Variants in TLN2 observed in about 807,000 individuals in gnomAD.
TLN2 encodes the protein talin 2, also known as talin-2.
Under a neutral mutation model 294.7 loss-of-function variants are expected in TLN2, and 118 were observed. That is an observed-to-expected ratio of 0.40 (90% CI 0.34 to 0.47). The LOEUF (loss-of-function observed/expected upper bound fraction) is 0.47, where lower values mean the gene tolerates loss of function less well. Ranked by LOEUF, TLN2 falls within the 20% of genes least tolerant of loss-of-function variation. The probability of loss-of-function intolerance (pLI) is 0.84; values close to 1 mark genes in which losing one functional copy is unlikely to be tolerated. For synonymous variants in TLN2, 1,431 were observed against 1,304.5 expected (o/e 1.10, Z -2.09); for missense variants, 3,083 against 3,282.2 (o/e 0.94, Z 1.48).
intron 1 of TLN2, among the ~76,000 whole-genome samples, chr15:62,408,210 G>T (rs528766107): frequency 6.6e-6 from 1 of 152,128 alleles, no homozygotes; most frequent in Admixed American, 6.6e-5. Context: ...CCTTAGATAA[G>T]TCACTGTGTG....
intron 1 of TLN2, among the ~76,000 whole-genome samples, chr15:62,460,342 C>T (rs1034180081): frequency 3.3e-5 from 5 of 151,648 alleles, no homozygotes; most frequent in South Asian, 4.2e-4. Flanking sequence ...CTCAGCTCAC[C>T]GCAACCTCCG....
chr15:62,690,907 G>A (rs962828122), intron 12 of TLN2, among the ~76,000 whole-genome samples: 3 of 151,370 alleles, frequency 2.0e-5, no homozygotes, highest in Admixed American at 6.6e-5. Flanking sequence ...GCAGGCACTC[G>A]GCAGGCTGAG....
At chr15:62,781,361 C>T (rs2064151181) in intron 44 of TLN2, 120 bp downstream of exon 44, 4 of 685,756 alleles carry the variant, frequency 5.8e-6, no homozygotes, top group Middle Eastern at 4.0e-4. Flanking sequence ...TCTAGTCCCT[C>T]AGGGGCTCCA....
chr15:62,661,850 A>G (rs139658270), intron 9 of TLN2, among the ~76,000 whole-genome samples: 2,366 of 152,290 alleles, frequency 0.016, 27 homozygotes, highest in Non-Finnish European at 0.019. Flanking sequence ...CTGTAAGGCA[A>G]ACAAAGCGTA....
intron 53 of TLN2, 81 bp downstream of exon 53, chr15:62,819,702 C>CA: frequency 7.7e-7 from 1 of 1,297,144 alleles, no homozygotes; most frequent in Non-Finnish European, 1.1e-6. Context: ...AGGAAAAGCA[C>CA]AGACGGCAAT....
intron 9 of TLN2, among the ~76,000 whole-genome samples, chr15:62,660,308 A>G (rs1453158231): frequency 2.6e-5 from 4 of 152,178 alleles, no homozygotes; most frequent in Non-Finnish European, 5.9e-5. Context: ...GAAGGTACTC[A>G]TTTAGAATAA....
intron 1 of TLN2, among the ~76,000 whole-genome samples, chr15:62,450,968 TTCTC>T (rs578208003): frequency 8.5e-4 from 127 of 149,892 alleles, no homozygotes; most frequent in African/African-American, 3.2e-3. Context: ...TTGCCTGGAG[TTCTC>T]TCTCTTTTTT....
intron 52 of TLN2, among the ~76,000 whole-genome samples, chr15:62,812,014 T>TC (rs2066723578): frequency 1.5e-5 from 2 of 137,146 alleles, no homozygotes; most frequent in African/African-American, 6.1e-5. Flanking sequence ...TCCATCTCAA[T>TC]AAATAAATAA....
intron 54 of TLN2, chr15:62,828,126 C>T (rs1177338414): frequency 6.6e-6 from 1 of 152,298 alleles, no homozygotes; most frequent in African/African-American, 2.4e-5. Context: ...GGAGCCAACC[C>T]AATATATAGC....
Position 62,833,726 on chromosome 15 carries a change from A to G in TLN2, c.7128+97A>G, listed in dbSNP as rs538728700. 11 of 1,501,638 alleles carry G rather than the reference A, an allele frequency of 7.3e-6. No homozygotes were observed. In the East Asian group the frequency reaches 1.9e-4, roughly 25 times the overall value. The allele number at this position is 1,501,638 out of a possible 1,614,324, so 93.0% of individuals were successfully genotyped here. A position where few individuals can be genotyped will look rare whatever the true frequency, so the allele number is the denominator to read the frequency against. On this transcript the variant is annotated intron_variant, in intron 55 of 58. Transcript: ENST00000636159. The stretch of plus-strand genomic sequence containing the variant: ...ACAAGCTTTTGTCCTGACCAAGGAA[A>G]CACATGCAGTGCCTTCCCTCCCTGA...
chr15:62,438,243 G>A (rs1386021524), intron 1 of TLN2, among the ~76,000 whole-genome samples: 1 of 152,218 alleles, frequency 6.6e-6, no homozygotes. Flanking sequence ...CTGGGGAGCA[G>A]CCAGATCACA....
chr15:62,571,374 C>T (rs1318001209), intron 1 of TLN2, among the ~76,000 whole-genome samples: 1 of 152,206 alleles, frequency 6.6e-6, no homozygotes, highest in Non-Finnish European at 1.5e-5. Context: ...CCTGGACTTT[C>T]TCAAGCATGA....
At chr15:62,410,221 G>A (rs1281652376) in intron 1 of TLN2, among the ~76,000 whole-genome samples, 3 of 151,490 alleles carry the variant, frequency 2.0e-5, no homozygotes, top group East Asian at 1.9e-4. Context: ...CACCTTGGGT[G>A]ACAGAGCGAG....
At chr15:62,429,188 A>G (rs1284772281) in intron 1 of TLN2, among the ~76,000 whole-genome samples, 4 of 151,552 alleles carry the variant, frequency 2.6e-5, no homozygotes, top group Non-Finnish European at 5.9e-5. Flanking sequence ...TGATCTTGTG[A>G]TGGTACTGTT....
At chr15:62,581,259 C>T (rs1206442659) in intron 1 of TLN2, among the ~76,000 whole-genome samples, 1 of 152,174 alleles carries the variant, frequency 6.6e-6, no homozygotes, top group African/African-American at 2.4e-5. Context: ...AGTATGTAGC[C>T]TTTTCAGATT....
At chr15:62,392,098 G>A (rs1455714426) in intron 1 of TLN2, among the ~76,000 whole-genome samples, 1 of 152,250 alleles carries the variant, frequency 6.6e-6, no homozygotes, top group African/African-American at 2.4e-5. Flanking sequence ...TGGCTTTAGC[G>A]GCGACAGCAG....
At chr15:62,712,206 A>G in intron 22 of TLN2, 129 bp downstream of exon 22, 1 of 1,138,142 alleles carries the variant, frequency 8.8e-7, no homozygotes, top group Non-Finnish European at 1.2e-6. Context: ...TATGGCTTGT[A>G]ACATCTAACC....
chr15:62,624,114 T>G (rs1241779568), intron 3 of TLN2, among the ~76,000 whole-genome samples: 1 of 152,222 alleles, frequency 6.6e-6, no homozygotes, highest in Non-Finnish European at 1.5e-5. Flanking sequence ...GAGTTTTGTA[T>G]TCCACTCAGA....
chr15:62,841,208 G>C lies in TLN2; in HGVS notation c.*598G>C, dbSNP rs2070658272. The C allele has an allele frequency of 6.5e-6, 1 of 152,784 alleles. No individual in the cohort carries two copies. The allele number at this position is 152,784 out of a possible 1,614,324, so 9.5% of individuals were successfully genotyped here. A position where few individuals can be genotyped will look rare whatever the true frequency, so the allele number is the denominator to read the frequency against. ...TCTTGCCTCCGTGTGTAAGCTCCTT[G>C]TACAACCCAGACCCATCTTGTATTT... On this transcript the variant is annotated 3_prime_UTR_variant, in exon 59 of 59. Transcript: ENST00000636159.
Sources: gnomAD v4.1 joint callset for allele counts (sites outside exome capture counted in the v4.1 genomes callset) on GRCh38, gnomAD v4.1.1 for gene constraint, MANE v1.5 for transcripts, NCBI Gene and HGNC (gene_info 2026-07-23, HGNC 2026-07-21) for gene names.